Variants in ARHGAP26 observed in about 807,000 individuals in gnomAD.
The protein encoded by ARHGAP26 is Rho GTPase activating protein 26.
Under a neutral mutation model 104.8 loss-of-function variants are expected in ARHGAP26, and 38 were observed. The observed-to-expected ratio is 0.36, with a 90% CI of 0.28 to 0.48. The LOEUF (loss-of-function observed/expected upper bound fraction) is 0.48. ARHGAP26 is among the 20% of genes least tolerant of loss of function. The probability of loss-of-function intolerance (pLI) is 0.99; values close to 1 mark genes in which losing one functional copy is unlikely to be tolerated. For synonymous variants in ARHGAP26, 341 were observed against 340.0 expected (o/e 1.00, Z -0.03); for missense variants, 704 against 947.9 (o/e 0.74, Z 3.38).
At chr5:143,167,535 A>G (rs1802174014) in intron 20 of ARHGAP26, among the ~76,000 whole-genome samples, 1 of 149,262 alleles carries the variant, frequency 6.7e-6, no homozygotes, top group South Asian at 2.1e-4. Context: ...CATTGTTTGT[A>G]ATAAGAATAG....
intron 11 of ARHGAP26, among the ~76,000 whole-genome samples, chr5:142,943,147 C>G (rs1766623121): frequency 6.6e-6 from 1 of 152,166 alleles, no homozygotes; most frequent in East Asian, 1.9e-4. Context: ...GTGGCTTTGG[C>G]TCATAGTATC....
chr5:142,855,315 G>A (rs553885502), intron 1 of ARHGAP26, among the ~76,000 whole-genome samples: 1 of 152,194 alleles, frequency 6.6e-6, no homozygotes, highest in Non-Finnish European at 1.5e-5. Context: ...AATACCAGAT[G>A]CATTTAGGGT....
intron 10 of ARHGAP26, among the ~76,000 whole-genome samples, chr5:142,916,760 C>T (rs186532748): frequency 4.5e-4 from 68 of 152,276 alleles, no homozygotes; most frequent in Non-Finnish European, 5.9e-5. Flanking sequence ...CAAAAACAAC[C>T]ACCACAATAA....
At chr5:143,175,122 A>G (rs1295252510) in intron 20 of ARHGAP26, among the ~76,000 whole-genome samples, 1 of 152,220 alleles carries the variant, frequency 6.6e-6, no homozygotes, top group African/African-American at 2.4e-5. Context: ...TCTCTGCTAT[A>G]TAAGGCTATT....
intron 1 of ARHGAP26, among the ~76,000 whole-genome samples, chr5:142,849,120 A>C (rs916911424): frequency 1.3e-5 from 2 of 152,234 alleles, no homozygotes; most frequent in Non-Finnish European, 2.9e-5. Flanking sequence ...AGCCACAAAC[A>C]ACACTTTAGA....
chr5:143,062,934 A>G (rs1236289028), intron 17 of ARHGAP26, among the ~76,000 whole-genome samples: 3 of 152,238 alleles, frequency 2.0e-5, no homozygotes, highest in Non-Finnish European at 4.4e-5. Flanking sequence ...AGAATTTTAC[A>G]AAACACATTT....
intron 1 of ARHGAP26, among the ~76,000 whole-genome samples, chr5:142,789,575 G>A (rs1759370878): frequency 6.6e-6 from 1 of 152,134 alleles, no homozygotes; most frequent in Admixed American, 6.5e-5. Flanking sequence ...ACTTCTTTGA[G>A]TCTAATGTAA....
intron 20 of ARHGAP26, chr5:143,203,236 C>A (rs966317102): frequency 9.9e-5 from 15 of 151,698 alleles, no homozygotes; most frequent in African/African-American, 3.2e-4. Flanking sequence ...GAAAAAAAAA[C>A]AACCCCATCA....
chr5:143,097,360 GAAAAAAAAAAAAA>G (rs56116431), intron 17 of ARHGAP26, among the ~76,000 whole-genome samples: 5 of 63,262 alleles, frequency 7.9e-5, no homozygotes, highest in Non-Finnish European at 1.7e-4. Flanking sequence ...TCAAAAAAAA[GAAAAAAAAAAAAA>G]AAAAAAAAAA....
chr5:142,998,951 G>A (rs1341732049), intron 11 of ARHGAP26, among the ~76,000 whole-genome samples: 1 of 152,058 alleles, frequency 6.6e-6, no homozygotes, highest in Non-Finnish European at 1.5e-5. Flanking sequence ...CAATTTTGCT[G>A]TTTGCTGGTA....
intron 1 of ARHGAP26, among the ~76,000 whole-genome samples, chr5:142,822,718 A>G (rs567364597): frequency 9.8e-5 from 15 of 152,288 alleles, no homozygotes; most frequent in African/African-American, 3.6e-4. Flanking sequence ...ATTACAGTAA[A>G]GCATTCGAAT....
intron 1 of ARHGAP26, among the ~76,000 whole-genome samples, chr5:142,830,677 A>AT (rs962731708): frequency 7.9e-5 from 12 of 152,142 alleles, no homozygotes; most frequent in Non-Finnish European, 1.8e-4. Context: ...ATGGTTTTGT[A>AT]TTTTTTCTCC....
Position 143,195,130 on chromosome 5 carries a change from C to G in ARHGAP26, c.1989-12068C>G, listed in dbSNP as rs118125147. Among the ~76,000 whole-genome samples the G allele has an allele frequency of 1.4e-4, 21 of 152,338 alleles. No individual in the cohort carries two copies. The East Asian group carries it at 4.0e-3, about 29-fold the overall frequency. ...GACTTTTAGCCTTTTCATCAAAGTT[C>G]ATCTCTCTTTCTCTCTCTGTCTCAT... On this transcript the variant is annotated intron_variant, in intron 20 of 22. Coordinates refer to ENST00000645722, the MANE Select transcript of ARHGAP26 (RefSeq NM_001135608.3).
chr5:143,035,866 G>A (rs1782554846), intron 12 of ARHGAP26, among the ~76,000 whole-genome samples: 2 of 150,148 alleles, frequency 1.3e-5, no homozygotes, highest in Non-Finnish European at 3.0e-5. Context: ...AACCCAGGAG[G>A]CGAAGGTTGC....
Position 143,204,068 on chromosome 5 carries a change from T to TAA in ARHGAP26, c.1989-3118_1989-3117dup, listed in dbSNP as rs11429323. On this transcript the variant is annotated intron_variant, in intron 20 of 22. Coordinates refer to ENST00000645722, the MANE Select transcript of ARHGAP26 (RefSeq NM_001135608.3). ...TGTATCCCAGAACTTAAAGTATAAT[T>TAA]AAAAAAAAAAAAATCACAGAAGTAC... Among the ~76,000 whole-genome samples, 39 of 143,772 alleles carry TAA rather than the reference T, an allele frequency of 2.7e-4. 1 individual carries two copies. The highest frequency in any genetic ancestry group is 9.4e-4 in the African/African-American group (37 of 39,184). The allele number at this position is 143,772 out of a possible 152,430, so 94.3% of individuals were successfully genotyped here. A position where few individuals can be genotyped will look rare whatever the true frequency, so the allele number is the denominator to read the frequency against.
At chr5:143,057,982 AG>A (rs1480068259) in intron 17 of ARHGAP26, 1 of 660,810 alleles carries the variant, frequency 1.5e-6, no homozygotes, top group Non-Finnish European at 2.9e-6. Context: ...CACCAAGCAG[AG>A]TTTTCAGGGG....
In ARHGAP26 at chr5:143,182,664, C is replaced by G. The variant is rs564160694; in HGVS notation, c.1989-24534C>G. Among the ~76,000 whole-genome samples the G allele has an allele frequency of 3.9e-5, 6 of 152,268 alleles. No homozygotes were observed. In the East Asian group the frequency reaches 1.2e-3, roughly 29 times the overall value. On this transcript the variant is annotated intron_variant, in intron 20 of 22. Coordinates refer to ENST00000645722, the MANE Select transcript of ARHGAP26 (RefSeq NM_001135608.3). ...TAGCTAATTGGCCTAGGAGATAATT[C>G]ACATAACAATTGATTTTTATATACT...
chr5:143,210,954 T>C (rs1809368356), intron 21 of ARHGAP26, among the ~76,000 whole-genome samples: 1 of 152,218 alleles, frequency 6.6e-6, no homozygotes, highest in Admixed American at 6.5e-5. Flanking sequence ...TGAGATATAC[T>C]GTGGAGAATA....
At chr5:143,105,094 G>T (rs116800043) in intron 17 of ARHGAP26, among the ~76,000 whole-genome samples, 15 of 152,076 alleles carry the variant, frequency 9.9e-5, no homozygotes, top group African/African-American at 3.6e-4. Context: ...AGGCCTAATC[G>T]GCTGGGTGTG....
Sources: allele counts gnomAD v4.1 joint callset (sites outside exome capture counted in the v4.1 genomes callset), GRCh38; gene constraint gnomAD v4.1.1; transcripts MANE v1.5; gene names NCBI Gene and HGNC (gene_info 2026-07-23, HGNC 2026-07-21).